The following ARHGEF16 variants were observed in gnomAD, a reference collection of about 807,000 sequenced individuals.
The protein encoded by ARHGEF16 is Rho guanine exchange factor (GEF) 16.
A neutral mutation model predicts 74.1 loss-of-function variants in ARHGEF16; 59 were observed. The ratio of observed to expected loss-of-function variants is 0.80; its 90% confidence interval spans 0.65 to 0.99. The LOEUF is 0.99. ARHGEF16 is among the 50% of genes least tolerant of loss of function. ARHGEF16 has a pLI of 0.00. For missense variants in ARHGEF16, 948 were observed against 986.6 expected (o/e 0.96, Z 0.52); for synonymous variants, 415 against 412.6 (o/e 1.01, Z -0.07).
intron 1 of ARHGEF16, among the ~76,000 whole-genome samples, chr1:3,459,515 A>G (rs527829638): frequency 7.2e-5 from 11 of 152,258 alleles, no homozygotes; most frequent in East Asian, 1.9e-4. Context: ...CTTCAGGGCA[A>G]TGAGGGCCGG....
At chr1:3,456,114 A>G (rs1402437795) in intron 1 of ARHGEF16, among the ~76,000 whole-genome samples, 1 of 152,152 alleles carries the variant, frequency 6.6e-6, no homozygotes, top group Non-Finnish European at 1.5e-5. Context: ...CTCCACCTGG[A>G]CACTGGGGAG....
intron 1 of ARHGEF16, among the ~76,000 whole-genome samples, chr1:3,460,335 G>A (rs1205708060): frequency 2.0e-5 from 3 of 152,246 alleles, no homozygotes; most frequent in Non-Finnish European, 4.4e-5. Flanking sequence ...AGAGGACGTG[G>A]TCAGGGACAG....
chr1:3,455,541 AG>A (rs1312624695), intron 1 of ARHGEF16, among the ~76,000 whole-genome samples: 1 of 151,688 alleles, frequency 6.6e-6, no homozygotes, highest in Non-Finnish European at 1.5e-5. Flanking sequence ...AGATTTGAGC[AG>A]GTGGGGGGAC....
chr1:3,479,488 G>C, intron 12 of ARHGEF16, 29 bp from the exon 13 acceptor site: 1 of 1,611,120 alleles, frequency 6.2e-7, no homozygotes, highest in Non-Finnish European at 8.5e-7. Flanking sequence ...CGGTCTCCAG[G>C]CCTGGCTCAT....
chr1:3,469,735 C>T (rs1334015310), intron 6 of ARHGEF16, 142 bp downstream of exon 6: 8 of 1,206,668 alleles, frequency 6.6e-6, no homozygotes, highest in African/African-American at 1.5e-5. Flanking sequence ...TGCTGGCTCC[C>T]GCGGAGTGTG....
At chr1:3,466,637 A>T (rs1364709163) in intron 3 of ARHGEF16, among the ~76,000 whole-genome samples, 1 of 152,006 alleles carries the variant, frequency 6.6e-6, no homozygotes, top group Non-Finnish European at 1.5e-5. Context: ...TGCTCGGGGG[A>T]GATGAGAACA....
At chr1:3,456,831 C>T (rs1639276868) in intron 1 of ARHGEF16, among the ~76,000 whole-genome samples, 1 of 152,218 alleles carries the variant, frequency 6.6e-6, no homozygotes, top group Non-Finnish European at 1.5e-5. Flanking sequence ...TGGGATGTCT[C>T]ATTCAGAGCC....
Position 3,480,563 on chromosome 1 carries a change from T to C in ARHGEF16, c.2106T>C (p.Arg702=). Residue 702 remains arginine (R), a synonymous_variant, in exon 15 of 15, where the codon CGT becomes CGC. Transcript: ENST00000378378. ...AVEGNVRRME[R]LRVETDV ...AGGGCAATGTCCGCAGGATGGAGCG[T>C]CTGCGGGTGGAGACGGACGTGTAGC... 6.2e-7 allele frequency: 1 copy of C among 1,609,662 alleles called. No individual in the cohort carries two copies. Among genetic ancestry groups the C allele is most frequent in the African/African-American group, 1.3e-5 (1 of 75,052 alleles).
Position 3,473,510 on chromosome 1 carries a change from C to T in ARHGEF16, c.1293C>T (p.Pro431=). 1 of 1,609,232 alleles carries T rather than the reference C, an allele frequency of 6.2e-7. No individual in the cohort carries two copies. The highest frequency in any genetic ancestry group is 1.6e-4 in the Middle Eastern group (1 of 6,062). Residue 431 remains proline, a synonymous_variant, in exon 8 of 15, where the codon CCC becomes CCT. Transcript: ENST00000378378. The part of the protein sequence containing the change: ...ILPMQRVTRL[P]LLMDTLCLKT... ...CCATGCAGCGGGTGACCCGGCTGCCCCTCCTGATGGATGTAAGTCCACGGC... is the reference window on the plus strand; with the variant it reads ...CCATGCAGCGGGTGACCCGGCTGCCTCTCCTGATGGATGTAAGTCCACGGC...
intron 1 of ARHGEF16, among the ~76,000 whole-genome samples, chr1:3,461,484 G>T (rs2100733880): frequency 6.6e-6 from 1 of 152,360 alleles, no homozygotes; most frequent in South Asian, 2.1e-4. Flanking sequence ...GGTCAGGGCT[G>T]CTCCCTGACA....
rs1315558270 is a variant in ARHGEF16, at chr1:3,463,656, G to A, written c.572G>A (p.Ser191Asn). 6.4e-6 allele frequency: 9 copies of A among 1,412,350 alleles called. No homozygotes were observed. The highest frequency in any genetic ancestry group is 1.4e-5 in the African/African-American group (1 of 69,458). The allele number at this position is 1,412,350 out of a possible 1,614,324, so 87.5% of individuals were successfully genotyped here. ...GAACCCAGCCAGCCTCATACTCGGAGCCCGGCCAAAAACAAGGTAGGGGCC... is the reference window on the plus strand; with the variant it reads ...GAACCCAGCCAGCCTCATACTCGGAACCCGGCCAAAAACAAGGTAGGGGCC... The part of the protein sequence containing the change: ...AEEPSQPHTR[S>N]PAKNKKTLGR... Residue 191 changes from serine to asparagine, a missense_variant, in exon 2 of 15, where the codon AGC becomes AAC. Coordinates refer to ENST00000378378, the MANE Select transcript of ARHGEF16 (RefSeq NM_014448.4).
chr1:3,480,386 C>G, intron 14 of ARHGEF16, 62 bp from the exon 15 acceptor site: 1 of 1,598,004 alleles, frequency 6.3e-7, no homozygotes, highest in South Asian at 1.1e-5. Flanking sequence ...CATAGCAGCT[C>G]AGAGGGGCCG....
At chr1:3,465,896 G>A (rs1356276408) in intron 2 of ARHGEF16, 13 of 507,624 alleles carry the variant, frequency 2.6e-5, no homozygotes, top group South Asian at 1.7e-4. Context: ...TCTTCTGAGC[G>A]TCCCCTCACG....
intron 1 of ARHGEF16, among the ~76,000 whole-genome samples, chr1:3,461,506 C>A (rs1639394465): frequency 1.3e-5 from 2 of 152,184 alleles, no homozygotes; most frequent in Admixed American, 1.3e-4. Flanking sequence ...GTGTGGGGAG[C>A]CCCTGAGCAG....
At chr1:3,465,794 G>A (rs903015931) in intron 2 of ARHGEF16, among the ~76,000 whole-genome samples, 1 of 152,162 alleles carries the variant, frequency 6.6e-6, no homozygotes, top group East Asian at 1.9e-4. Context: ...TGTCCCACCA[G>A]GTCCTAGTCC....
intron 2 of ARHGEF16, among the ~76,000 whole-genome samples, chr1:3,465,681 C>T (rs1639522907): frequency 2.0e-5 from 3 of 152,316 alleles, no homozygotes; most frequent in Admixed American, 2.0e-4. Flanking sequence ...AGCGTGGGGG[C>T]TTCCCAGGAG....
intron 6 of ARHGEF16, among the ~76,000 whole-genome samples, 165 bp downstream of exon 6, chr1:3,469,758 G>T (rs1468654346): frequency 2.0e-5 from 3 of 152,202 alleles, no homozygotes; most frequent in African/African-American, 7.2e-5. Flanking sequence ...GACCTCTGAG[G>T]GTCCTTGAGG....
intron 5 of ARHGEF16, 75 bp from the exon 6 acceptor site, chr1:3,469,358 T>C (rs1027407687): frequency 6.4e-7 from 1 of 1,554,492 alleles, no homozygotes; most frequent in South Asian, 1.2e-5. Context: ...CACGTCCTCC[T>C]GTTCCAAGCA....
chr1:3,467,019 C>T, intron 3 of ARHGEF16, 149 bp from the exon 4 acceptor site: 1 of 806,696 alleles, frequency 1.2e-6, no homozygotes, highest in South Asian at 2.0e-5. Flanking sequence ...GGGACTGGTG[C>T]CCAGCCTGGG....
Sources: allele counts gnomAD v4.1 joint callset (sites outside exome capture counted in the v4.1 genomes callset), GRCh38; gene constraint gnomAD v4.1.1; transcripts MANE v1.5; gene names NCBI Gene and HGNC (gene_info 2026-07-23, HGNC 2026-07-21).